The following TGIF1 variants were observed in gnomAD, a reference collection of about 807,000 sequenced individuals.
TGIF1 encodes the protein TGFB induced factor homeobox 1.
TGIF1 carries 4 observed loss-of-function variants against 19.3 expected under a neutral mutation model. The ratio of observed to expected loss-of-function variants is 0.21; its 90% CI spans 0.10 to 0.47. TGIF1 has a LOEUF of 0.47. TGIF1 is among the 20% of genes least tolerant of loss of function. The pLI, the probability that TGIF1 is intolerant of heterozygous loss-of-function variation, is 0.98. For synonymous variants in TGIF1, 122 were observed against 129.3 expected, an observed-to-expected ratio of 0.94 and a Z score of 0.38; for missense variants, 275 against 341.4, an observed-to-expected ratio of 0.81 and a Z score of 1.53.
chr18:3,449,402 G>C (rs2143289707), upstream of TGIF1: 1 of 985,458 alleles, frequency 1.0e-6, no homozygotes, highest in East Asian at 1.1e-4. Flanking sequence ...CCCGGGCAGA[G>C]ACGTTTAAAG....
chr18:3,450,060 C>T, upstream of TGIF1: 1 of 1,010,776 alleles, frequency 9.9e-7, no homozygotes, highest in African/African-American at 1.7e-5. Context: ...TCCAGTCTTC[C>T]CGGCTGGAAG....
rs574901133 is a variant in TGIF1 at position 3,419,216 on chromosome 18, T to A, written c.-45+1001T>A. Among the ~76,000 whole-genome samples, 6 of 152,262 alleles carry A rather than the reference T, an allele frequency of 3.9e-5. No homozygotes were observed. The East Asian group carries it at 1.2e-3, about 29-fold the overall frequency. ...ATGGAGGAAAATAAACTCAATAATGTTGAGAGAATTGGAAAACCATTTGGA... is the reference window on the plus strand; with the variant it reads ...ATGGAGGAAAATAAACTCAATAATGATGAGAGAATTGGAAAACCATTTGGA... On this transcript the variant is annotated intron_variant, in intron 2 of 3. Coordinates refer to the TGIF1 transcript ENST00000401449.
At chr18:3,427,734 G>A (rs1234375234) in intron 2 of TGIF1, among the ~76,000 whole-genome samples, 1 of 151,876 alleles carries the variant, frequency 6.6e-6, no homozygotes, top group East Asian at 1.9e-4. Flanking sequence ...CGAGTAACTG[G>A]GATTACAGGC....
At chr18:3,452,617 C>G (rs369127784) in intron 1 of TGIF1, among the ~76,000 whole-genome samples, 79 of 152,134 alleles carry the variant, frequency 5.2e-4, no homozygotes, top group African/African-American at 1.8e-3. Context: ...CACTTGAGGC[C>G]GAGGAACTCT....
At chr18:3,443,660 C>T (rs1019738285) in intron 2 of TGIF1, among the ~76,000 whole-genome samples, 2 of 151,390 alleles carry the variant, frequency 1.3e-5, no homozygotes, top group East Asian at 2.0e-4. Flanking sequence ...CACTCCACCT[C>T]CCAGGTTCAA....
rs2049372772 is a variant in TGIF1 at position 3,456,831 on chromosome 18, AAGG to A, written c.243+255_243+257del. On this transcript the variant is annotated intron_variant, in intron 2 of 2. Transcript: ENST00000343820. The surrounding 1 kb of genome is among the most constrained non-coding windows in gnomAD (Gnocchi z 4.2). The stretch of plus-strand genomic sequence containing the variant: ...CCTTCCTTTATGCAACAGACATTAA[AAGG>A]AGGTTAAACCTTACTCTATTGTCCA... 13 of 624,920 alleles carry A rather than the reference AAGG, an allele frequency of 2.1e-5. No individual in the cohort carries two copies. In the South Asian group the frequency reaches 2.1e-4, roughly 10 times the overall value. 38.7% of individuals were successfully genotyped at this position (624,920 alleles called of 1,614,324 possible). A position where few individuals can be genotyped will look rare whatever the true frequency, so the allele number is the denominator to read the frequency against.
At chr18:3,442,749 A>T (rs1324987171) in intron 2 of TGIF1, among the ~76,000 whole-genome samples, 1 of 152,112 alleles carries the variant, frequency 6.6e-6, no homozygotes, top group Non-Finnish European at 1.5e-5. Context: ...AAAAATCTTT[A>T]AAAAATAATG....
chr18:3,430,905 T>C (rs1389660450), intron 2 of TGIF1, among the ~76,000 whole-genome samples: 3 of 152,076 alleles, frequency 2.0e-5, no homozygotes, highest in African/African-American at 7.2e-5. Flanking sequence ...GGTGAAGAAG[T>C]CCTGAGCCTA....
At position 3,459,899 on chromosome 18, in the gene TGIF1, T is replaced by G. The variant is rs1009369463; in HGVS notation, c.*1959T>G. 1 of 152,206 alleles carries G rather than the reference T, an allele frequency of 6.6e-6. No homozygotes were observed. The highest frequency in any genetic ancestry group is 6.5e-5 in the Admixed American group (1 of 15,282). 9.4% of individuals were successfully genotyped at this position (152,206 alleles called of 1,614,324 possible). On this transcript the variant is annotated 3_prime_UTR_variant, in exon 3 of 3. Coordinates refer to ENST00000343820, the MANE Select transcript of TGIF1 (RefSeq NM_003244.4). Reference sequence around the variant, plus strand: ...TGAAAAGATAAATGTAAAAAGCTGTTCATATCAAAGCCAAATAGAAATGAT... The same window carrying G: ...TGAAAAGATAAATGTAAAAAGCTGTGCATATCAAAGCCAAATAGAAATGAT...
At chr18:3,445,723 C>CAAAAAAA (rs141550400), upstream of TGIF1, among the ~76,000 whole-genome samples, 12 of 17,668 alleles carry the variant, frequency 6.8e-4, no homozygotes, top group Admixed American at 1.4e-3. Context: ...GACTCTGTCT[C>CAAAAAAA]AAAAAAAAAA....
intron 1 of TGIF1, chr18:3,415,201 G>A (rs1473810197): frequency 4.6e-6 from 1 of 219,308 alleles, no homozygotes; most frequent in Non-Finnish European, 9.8e-6. Context: ...TCCTGGAGTG[G>A]CTCAAGAGCC....
chr18:3,445,206 G>T (rs1343018505), upstream of TGIF1, among the ~76,000 whole-genome samples: 1 of 152,156 alleles, frequency 6.6e-6, no homozygotes, highest in Non-Finnish European at 1.5e-5. Flanking sequence ...TAACATTTAG[G>T]CCTAGCCTTG....
At chr18:3,441,715 G>A (rs1381457704) in intron 2 of TGIF1, among the ~76,000 whole-genome samples, 4 of 152,114 alleles carry the variant, frequency 2.6e-5, no homozygotes, top group Non-Finnish European at 4.4e-5. Context: ...TGGAGATTTA[G>A]CTTTATTTTT....
At chr18:3,443,624 T>G (rs1356545060) in intron 2 of TGIF1, among the ~76,000 whole-genome samples, 4 of 152,166 alleles carry the variant, frequency 2.6e-5, no homozygotes, top group Admixed American at 2.0e-4. Flanking sequence ...TTACCCAGGC[T>G]GGAGTGCAAT....
rs1329967905 is a variant in TGIF1 at position 3,457,623 on chromosome 18, G to T, written c.502G>T (p.Ala168Ser). 2.5e-6 allele frequency: 4 copies of T among 1,614,208 alleles called. No homozygotes were observed. The South Asian group carries it at 3.3e-5, about 13-fold the overall frequency. The change falls in exon 3 of 3, where the codon GCT becomes TCT. Residue 168 changes from alanine to serine, a missense_variant. Coordinates refer to ENST00000343820, the MANE Select transcript of TGIF1 (RefSeq NM_003244.4). This position sits in a 1 kb window ranked among gnomAD's most constrained non-coding sequence, Gnocchi z 4.9. ...PKPSSPGSVL[A>S]RPSVICHTTV... ...GCCGTCATCCCCGGGATCAGTTTTG[G>T]CTCGTCCATCAGTGATCTGCCATAC...
chr18:3,447,566 C>G, upstream of TGIF1: 1 of 766,456 alleles, frequency 1.3e-6, no homozygotes. Flanking sequence ...CACTTTCTTC[C>G]CAGAATGCAC....
intron 2 of TGIF1, among the ~76,000 whole-genome samples, chr18:3,423,567 G>C (rs1468948122): frequency 6.6e-6 from 1 of 152,054 alleles, no homozygotes; most frequent in Non-Finnish European, 1.5e-5. Flanking sequence ...TGTGATCCCA[G>C]CTACTCAGGA....
At chr18:3,436,571 C>T (rs1182218845) in intron 2 of TGIF1, among the ~76,000 whole-genome samples, 1 of 152,134 alleles carries the variant, frequency 6.6e-6, no homozygotes, top group Non-Finnish European at 1.5e-5. Context: ...GTAATTCCAG[C>T]ACTTTGGGAG....
At chr18:3,412,822 G>A (rs539934982) in intron 1 of TGIF1, 1 of 152,004 alleles carries the variant, frequency 6.6e-6, no homozygotes, top group Non-Finnish European at 1.5e-5. Context: ...CCTAGCCAGG[G>A]CAACACAGGG....
Sources: gnomAD v4.1 joint callset for allele counts (sites outside exome capture counted in the v4.1 genomes callset) on GRCh38, gnomAD v4.1.1 for gene constraint, Gnocchi (gnomAD v3.1) non-coding constraint, MANE v1.5 for transcripts, NCBI Gene and HGNC (gene_info 2026-07-23, HGNC 2026-07-21) for gene names.